The following IGSF10 variants were observed in gnomAD, a reference collection of about 807,000 sequenced individuals.
IGSF10 encodes the protein calvaria mechanical force protein 608.
In IGSF10, 126 loss-of-function variants were observed where a neutral mutation model predicts 128.2. The observed-to-expected ratio is 0.98, with a 90% CI of 0.85 to 1.14. The LOEUF (loss-of-function observed/expected upper bound fraction) is 1.14. Ranked by LOEUF, IGSF10 falls within the 50% of genes most tolerant of loss-of-function variation. The pLI is 0.00. For missense variants in IGSF10, 3,295 were observed against 3,149.8 expected (o/e 1.05, Z -1.10); for synonymous variants, 1,185 against 1,146.2 (o/e 1.03, Z -0.68).
intron 4 of IGSF10, among the ~76,000 whole-genome samples, chr3:151,455,584 G>A (rs1721754602): frequency 6.6e-6 from 1 of 152,082 alleles, no homozygotes; most frequent in Admixed American, 6.5e-5. Flanking sequence ...ATGGCATTGT[G>A]TCTGGCTTCT....
chr3:151,455,551 A>T (rs1721752178), intron 4 of IGSF10, among the ~76,000 whole-genome samples: 1 of 152,212 alleles, frequency 6.6e-6, no homozygotes, highest in Non-Finnish European at 1.5e-5. Flanking sequence ...TAAACATTTT[A>T]TATAAATGGA....
chr3:151,526,746 C>T, the IGSF10 span, among the ~76,000 whole-genome samples: 1 of 151,986 alleles, frequency 6.6e-6, no homozygotes, highest in Non-Finnish European at 1.5e-5. Context: ...AGTCTTCTCC[C>T]TTTCTTTCAA....
chr3:151,436,789 A>G lies in IGSF10; in HGVS notation c.7772T>C (p.Val2591Ala). The change falls in exon 8 of 8, where the codon GTC becomes GCC. Residue 2591 changes from valine (V) to alanine (A), a missense_variant. By Grantham distance (64) the Val-to-Ala change is moderately conservative (BLOSUM62 0). Transcript: ENST00000282466. ...ATCGGAGGTTTGGGGATTCTGAATG[A>G]CTAGGGTACCTTGTAAGTGAAGCTG... Reference protein sequence around the residue: ...SEQLHLQGTLVIQNPQTSDSG... With the variant: ...SEQLHLQGTLAIQNPQTSDSG... 1 of 1,614,154 alleles carries G rather than the reference A, an allele frequency of 6.2e-7. No individual in the cohort carries two copies. The highest frequency in any genetic ancestry group is 1.1e-5 in the South Asian group (1 of 91,084).
At chr3:151,524,646 A>G in the IGSF10 span, among the ~76,000 whole-genome samples, 3 of 152,154 alleles carry the variant, frequency 2.0e-5, no homozygotes, top group Non-Finnish European at 4.4e-5. Context: ...GGGTGGAAGG[A>G]GGGAGAGGAA....
the IGSF10 span, among the ~76,000 whole-genome samples, chr3:151,542,939 A>G: frequency 2.0e-5 from 3 of 152,224 alleles, no homozygotes; most frequent in Admixed American, 2.0e-4. Flanking sequence ...ATTTCAAAAC[A>G]ATGTGCTCAT....
Position 151,438,566 on chromosome 3 carries a change from C to T in IGSF10, c.5995G>A (p.Gly1999Arg). ...VGSWIHVYPNGSLFIGSVTEK... is the reference protein window; with the variant it reads ...VGSWIHVYPNRSLFIGSVTEK... ...GTTACTGATCCAATAAACAGGGATCCATTAGGGTAGACGTGGATCCAGCTG... is the reference window on the plus strand; with the variant it reads ...GTTACTGATCCAATAAACAGGGATCTATTAGGGTAGACGTGGATCCAGCTG... The change falls in exon 8 of 8, where the codon GGA becomes AGA. Residue 1999 changes from glycine (G) to arginine (R), a missense_variant. By Grantham distance (125) the Gly-to-Arg change is moderately radical (BLOSUM62 -2). Transcript: ENST00000282466. 6.2e-7 allele frequency: 1 copy of T among 1,613,606 alleles called. No homozygotes were observed. The highest frequency in any genetic ancestry group is 1.1e-5 in the South Asian group (1 of 91,062).
chr3:151,453,904 T>G, intron 4 of IGSF10, 130 bp from the exon 5 acceptor site: 1 of 541,298 alleles, frequency 1.8e-6, no homozygotes, highest in South Asian at 3.3e-5. Flanking sequence ...AGGATCCCAA[T>G]TCAATCAAAT....
At chr3:151,568,829 T>C in the IGSF10 span, among the ~76,000 whole-genome samples, 1 of 152,208 alleles carries the variant, frequency 6.6e-6, no homozygotes, top group African/African-American at 2.4e-5. Context: ...TTCTCAGGTG[T>C]ATTTGTCAGA....
the IGSF10 span, among the ~76,000 whole-genome samples, chr3:151,556,345 G>C: frequency 7.9e-5 from 12 of 152,266 alleles, no homozygotes; most frequent in Non-Finnish European, 1.8e-4. Context: ...CTTTCTTTGT[G>C]GAAAACTAAG....
the IGSF10 span, among the ~76,000 whole-genome samples, chr3:151,616,289 C>A: frequency 2.0e-5 from 3 of 152,108 alleles, no homozygotes; most frequent in African/African-American, 7.2e-5. Flanking sequence ...TTTGTTATTA[C>A]TCTTTTATTT....
intron 5 of IGSF10, among the ~76,000 whole-genome samples, chr3:151,451,915 C>G (rs1248380766): frequency 6.6e-6 from 1 of 152,164 alleles, no homozygotes; most frequent in Non-Finnish European, 1.5e-5. Context: ...GCATCAACAT[C>G]TTTGCAGAAT....
the IGSF10 span, among the ~76,000 whole-genome samples, chr3:151,531,351 G>A: frequency 6.6e-6 from 1 of 152,130 alleles, no homozygotes; most frequent in Non-Finnish European, 1.5e-5. Context: ...GACATCTACA[G>A]AACTCTCCAC....
the IGSF10 span, among the ~76,000 whole-genome samples, chr3:151,594,368 C>G: frequency 7.6e-6 from 1 of 132,050 alleles, no homozygotes. Flanking sequence ...GAGTCTTGCT[C>G]TGTCGCCCAG....
At chr3:151,460,235 C>A (rs1484728492) in intron 2 of IGSF10, 26 bp downstream of exon 2, 2 of 702,318 alleles carry the variant, frequency 2.8e-6, no homozygotes, top group Non-Finnish European at 3.5e-6. Flanking sequence ...TGAAAATGTA[C>A]ATAATGAAAT....
the IGSF10 span, among the ~76,000 whole-genome samples, chr3:151,498,238 C>A: frequency 2.6e-5 from 4 of 152,176 alleles, no homozygotes; most frequent in African/African-American, 9.7e-5. Context: ...GAGAGGGCAT[C>A]CCTGTCTTGT....
At chr3:151,523,830 C>T in the IGSF10 span, among the ~76,000 whole-genome samples, 1 of 152,016 alleles carries the variant, frequency 6.6e-6, no homozygotes, top group African/African-American at 2.4e-5. Flanking sequence ...ATTTAAGAGC[C>T]TCTGAACAGC....
chr3:151,616,045 A>T, the IGSF10 span, among the ~76,000 whole-genome samples: 1 of 147,600 alleles, frequency 6.8e-6, no homozygotes, highest in African/African-American at 2.5e-5. Flanking sequence ...GCTCACCACA[A>T]CCTCCGCCTC....
chr3:151,467,106 A>G, the IGSF10 span, among the ~76,000 whole-genome samples: 1 of 152,136 alleles, frequency 6.6e-6, no homozygotes, highest in Non-Finnish European at 1.5e-5. Flanking sequence ...GCAAAAAGCA[A>G]ATGGAAAGCT....
chr3:151,489,086 G>A, the IGSF10 span, among the ~76,000 whole-genome samples: 1 of 152,136 alleles, frequency 6.6e-6, no homozygotes, highest in African/African-American at 2.4e-5. Flanking sequence ...CTGACAAAGG[G>A]CTAATATCCA....
Sources: allele counts gnomAD v4.1 joint callset (sites outside exome capture counted in the v4.1 genomes callset), GRCh38; gene constraint gnomAD v4.1.1; transcripts MANE v1.5; gene names NCBI Gene and HGNC (gene_info 2026-07-23, HGNC 2026-07-21).